VIRMA: variants seen among roughly 807,000 people sequenced by gnomAD.
VIRMA encodes the protein protein virilizer homolog.
In VIRMA, 65 loss-of-function variants were observed where a neutral mutation model predicts 182.4. The ratio of observed to expected loss-of-function variants is 0.36; its 90% CI spans 0.29 to 0.44. VIRMA has a LOEUF of 0.44. VIRMA is among the 20% of genes least tolerant of loss of function. VIRMA has a pLI of 1.00. For missense variants in VIRMA, 1,752 were observed against 2,158.1 expected (o/e 0.81, Z 3.73); for synonymous variants, 709 against 743.1 (o/e 0.95, Z 0.75).
chr8:94,494,905 C>A lies in VIRMA; in HGVS notation c.4596G>T (p.Trp1532Cys), dbSNP rs1016299850. The part of the protein sequence containing the change: ...DVMDDQLKSM[W>C]FTPFQAEEID... ...TCTCTTCAGCCTGAAATGGAGTGAA[C>A]CACATAGATTTCAACTGATCATCCA... The change falls in exon 20 of 24, where the codon TGG becomes TGT. Residue 1532 changes from tryptophan (W) to cysteine (C), a missense_variant. Coordinates refer to ENST00000297591, the MANE Select transcript of VIRMA (RefSeq NM_015496.5). The A allele has an allele frequency of 6.2e-7, 1 of 1,611,600 alleles. No homozygotes were observed. Among genetic ancestry groups the A allele is most frequent in the Admixed American group, 1.7e-5 (1 of 59,906 alleles).
At chr8:94,510,914 G>A (rs1586079293) in intron 13 of VIRMA, 3 of 1,181,158 alleles carry the variant, frequency 2.5e-6, no homozygotes, top group Admixed American at 6.6e-5. Flanking sequence ...GGTAAGGTGT[G>A]GGGGAAAGGA....
intron 1 of VIRMA, among the ~76,000 whole-genome samples, chr8:94,544,447 TG>T (rs1815688202): frequency 6.6e-6 from 1 of 151,772 alleles, no homozygotes; most frequent in Non-Finnish European, 1.5e-5. Flanking sequence ...CCCAGGCAGG[TG>T]GATCACGAGG....
chr8:94,512,128 G>C, intron 11 of VIRMA, 39 bp from the exon 12 acceptor site: 2 of 1,049,512 alleles, frequency 1.9e-6, no homozygotes, highest in Non-Finnish European at 2.6e-6. Flanking sequence ...TCGTTTCTTA[G>C]TACCCATGAG....
intron 15 of VIRMA, among the ~76,000 whole-genome samples, chr8:94,507,882 CATGTATATATGTATATAT>C (rs748461668): frequency 7.1e-5 from 8 of 112,490 alleles, no homozygotes; most frequent in Non-Finnish European, 1.7e-4. Flanking sequence ...TATATATATA[CATGTATATATGTATATAT>C]ATGTATATAT....
At chr8:94,496,584 A>G in intron 17 of VIRMA, 104 bp from the exon 18 acceptor site, 1 of 905,928 alleles carries the variant, frequency 1.1e-6, no homozygotes, top group South Asian at 2.3e-5. Context: ...TCTTTCCTTC[A>G]ATGTTTTCAT....
intron 16 of VIRMA, among the ~76,000 whole-genome samples, chr8:94,503,200 T>C (rs1178923905): frequency 6.6e-6 from 1 of 152,222 alleles, no homozygotes. Context: ...GTTTTTGGCA[T>C]AAATAGGATA....
At position 94,488,727 on chromosome 8, in the gene VIRMA, A is replaced by G. The variant is rs1390978641; in HGVS notation, c.5418T>C (p.His1806=). Residue 1806 remains histidine, a synonymous_variant, in exon 24 of 24, where the codon CAT becomes CAC. Coordinates refer to ENST00000297591, the MANE Select transcript of VIRMA (RefSeq NM_015496.5). ...ATTTTTATCGTGTAAAGGAGCGTAC[A>G]TGACGACCTCTACCACTGCCTCCAC... ...FVSGGSGRGR[H]VRSFTR is the part of the protein sequence containing the mutation. 9.3e-6 allele frequency: 15 copies of G among 1,614,204 alleles called. No homozygotes were observed. Among genetic ancestry groups the G allele is most frequent in the Non-Finnish European group, 1.3e-5 (15 of 1,180,028 alleles).
Position 94,499,491 on chromosome 8 carries a change from GT to G in VIRMA, c.4112del (p.Asn1371ThrfsTer9). Reference sequence around the variant, plus strand: ...TCAGTAAACTATGCAGAGCACTACTGTTTTTCCTTAAAGAACTGTAAATAAA... The same window carrying G: ...TCAGTAAACTATGCAGAGCACTACTGTTTTCCTTAAAGAACTGTAAATAAA... ...LFHLKSSLRK[N>X]SSALHSLLKR... On this transcript the variant is annotated frameshift_variant, in exon 17 of 24. Transcript: ENST00000297591. LOFTEE classifies it high-confidence loss of function. The G allele has an allele frequency of 1.3e-6, 2 of 1,546,538 alleles. No individual in the cohort carries two copies. Among genetic ancestry groups the G allele is most frequent in the Non-Finnish European group, 8.9e-7 (1 of 1,125,490 alleles).
intron 17 of VIRMA, chr8:94,498,399 C>T (rs748996623): frequency 6.6e-6 from 1 of 152,126 alleles, no homozygotes. Flanking sequence ...AATTAAGTAA[C>T]AAAAATAAGT....
intron 16 of VIRMA, among the ~76,000 whole-genome samples, chr8:94,501,133 G>A (rs1030360469): frequency 4.9e-4 from 74 of 151,666 alleles, no homozygotes; most frequent in African/African-American, 1.8e-3. Flanking sequence ...GCAGGCGCCT[G>A]TAATCCCAGC....
chr8:94,531,195 G>A, intron 5 of VIRMA, 110 bp from the exon 6 acceptor site: 1 of 1,191,368 alleles, frequency 8.4e-7, no homozygotes, highest in Non-Finnish European at 1.1e-6. Context: ...TTAAAGCAAA[G>A]AGAGATCTAA....
chr8:94,514,821 T>C, intron 11 of VIRMA, 48 bp downstream of exon 11: 1 of 916,314 alleles, frequency 1.1e-6, no homozygotes, highest in Non-Finnish European at 1.8e-6. Flanking sequence ...CACCATGTAC[T>C]ACCACACAGT....
chr8:94,553,199 G>C (rs1816067480), intron 1 of VIRMA, among the ~76,000 whole-genome samples, 186 bp downstream of exon 1: 1 of 152,156 alleles, frequency 6.6e-6, no homozygotes, highest in Non-Finnish European at 1.5e-5. Flanking sequence ...TTAAAGCAAG[G>C]AAATGAAGGG....
intron 9 of VIRMA, 75 bp from the exon 10 acceptor site, chr8:94,518,017 T>C: frequency 8.8e-7 from 1 of 1,135,248 alleles, no homozygotes; most frequent in Non-Finnish European, 1.3e-6. Context: ...AATTTTCTTC[T>C]ACTTGGCTTT....
intron 1 of VIRMA, among the ~76,000 whole-genome samples, chr8:94,546,305 C>A (rs1457231935): frequency 6.6e-6 from 1 of 151,034 alleles, no homozygotes; most frequent in Non-Finnish European, 1.5e-5. Flanking sequence ...CCCTTGTGCA[C>A]CAAACTCAAC....
At chr8:94,515,319 A>C (rs2130318564) in intron 10 of VIRMA, among the ~76,000 whole-genome samples, 1 of 151,920 alleles carries the variant, frequency 6.6e-6, no homozygotes, top group Middle Eastern at 3.4e-3. Context: ...CTGGTCTCGA[A>C]CTTCTGACCT....
rs1563482285 is a variant in VIRMA at position 94,543,918 on chromosome 8, G to T, written c.88C>A (p.Arg30Ser). 6 of 1,604,748 alleles carry T rather than the reference G, an allele frequency of 3.7e-6. No individual in the cohort carries two copies. The highest frequency in any genetic ancestry group is 5.1e-6 in the Non-Finnish European group (6 of 1,174,490). The change falls in exon 2 of 24, where the codon CGT becomes AGT. Residue 30 changes from arginine to serine, a missense_variant. By Grantham distance (110) the Arg-to-Ser change is moderately radical. Around this residue, in one of 11 missense-constraint regions of VIRMA, gnomAD observed 195 missense variants for 191.7 expected, o/e 1.02. Coordinates refer to ENST00000297591, the MANE Select transcript of VIRMA (RefSeq NM_015496.5). ...TTGATATAAACCACACATGGAAAACGAACCACATCTATATGAGAACTTTGC... is the reference window on the plus strand; with the variant it reads ...TTGATATAAACCACACATGGAAAACTAACCACATCTATATGAGAACTTTGC... Reference protein sequence around the residue: ...AEQSSHIDVVRFPCVVYINEV... With the variant: ...AEQSSHIDVVSFPCVVYINEV...
rs144137869 is a variant in VIRMA, at chr8:94,511,173, T to G, written c.3390+12A>C. The G allele has an allele frequency of 1.9e-6, 3 of 1,609,442 alleles. No homozygotes were observed. The African/African-American group carries it at 4.0e-5, about 22-fold the overall frequency. ...AGTCATTTATAAGATGCATGTTATA[T>G]GGAAGTGATACCTGAGTTGTTTGCA... On this transcript the variant is annotated intron_variant, in intron 13 of 23. Coordinates refer to ENST00000297591, the MANE Select transcript of VIRMA (RefSeq NM_015496.5).
At chr8:94,500,913 A>C (rs1813952765) in intron 16 of VIRMA, among the ~76,000 whole-genome samples, 1 of 152,024 alleles carries the variant, frequency 6.6e-6, no homozygotes, top group Non-Finnish European at 1.5e-5. Context: ...AGAACTGTAC[A>C]CCATAAAACA....
Sources: gnomAD v4.1 joint callset for allele counts (sites outside exome capture counted in the v4.1 genomes callset) on GRCh38, gnomAD v4.1.1 for gene constraint, gnomAD v4.1.1 regional missense constraint, MANE v1.5 for transcripts, NCBI Gene and HGNC (gene_info 2026-07-23, HGNC 2026-07-21) for gene names.